R3HDM1: variants seen among roughly 807,000 people sequenced by gnomAD.
R3HDM1 encodes R3H domain containing 1.
In R3HDM1, 46 loss-of-function variants were observed where a neutral mutation model predicts 141.1. The observed-to-expected ratio is 0.33, with a 90% CI of 0.26 to 0.42. The LOEUF is 0.42. Ranked by LOEUF, R3HDM1 falls within the 10% of genes least tolerant of loss-of-function variation. R3HDM1 has a pLI of 1.00. For missense variants in R3HDM1, 1,184 were observed against 1,368.3 expected (o/e 0.87, Z 2.12); for synonymous variants, 435 against 472.9 (o/e 0.92, Z 1.04).
At chr2:135,608,919 G>T (rs1466718698) in intron 3 of R3HDM1, among the ~76,000 whole-genome samples, 1 of 151,974 alleles carries the variant, frequency 6.6e-6, no homozygotes, top group East Asian at 1.9e-4. Context: ...AGTGATTAAA[G>T]GAAACAAATG....
At chr2:135,636,549 C>CT (rs1178495717) in intron 11 of R3HDM1, among the ~76,000 whole-genome samples, 1 of 152,062 alleles carries the variant, frequency 6.6e-6, no homozygotes, top group African/African-American at 2.4e-5. Context: ...CTAGATGCTA[C>CT]TTGTTAGTTG....
At chr2:135,700,693 C>G (rs1274543468) in intron 21 of R3HDM1, among the ~76,000 whole-genome samples, 1 of 152,076 alleles carries the variant, frequency 6.6e-6, no homozygotes, top group Non-Finnish European at 1.5e-5. Context: ...TTCCTATTCT[C>G]CCATCTAAAA....
chr2:135,595,004 G>A (rs187384519), intron 1 of R3HDM1, among the ~76,000 whole-genome samples: 1 of 147,964 alleles, frequency 6.8e-6, no homozygotes, highest in African/African-American at 2.6e-5. Flanking sequence ...ATGAAGGCTT[G>A]TGGGCAACTT....
chr2:135,583,255 G>A (rs1282068403), intron 1 of R3HDM1, among the ~76,000 whole-genome samples: 1 of 151,528 alleles, frequency 6.6e-6, no homozygotes, highest in Non-Finnish European at 1.5e-5. Context: ...TTTTTTTTCA[G>A]CATTAAAGCT....
At chr2:135,545,630 TTAAAA>T (rs1231561350) in intron 1 of R3HDM1, among the ~76,000 whole-genome samples, 4 of 152,160 alleles carry the variant, frequency 2.6e-5, no homozygotes, top group Non-Finnish European at 5.9e-5. Flanking sequence ...CAATTGGGAA[TTAAAA>T]TAAAAAGTAC....
At chr2:135,698,394 C>A (rs184572191) in intron 21 of R3HDM1, among the ~76,000 whole-genome samples, 2 of 151,914 alleles carry the variant, frequency 1.3e-5, no homozygotes, top group East Asian at 1.9e-4. Flanking sequence ...CTCCTGACCT[C>A]GTGATCCGCC....
intron 3 of R3HDM1, among the ~76,000 whole-genome samples, chr2:135,612,394 A>AT (rs933979060): frequency 3.9e-5 from 6 of 152,108 alleles, no homozygotes; most frequent in African/African-American, 1.4e-4. Context: ...AATTATTCCT[A>AT]TTTTTTAAAT....
At chr2:135,643,355 A>G (rs558031904) in intron 15 of R3HDM1, among the ~76,000 whole-genome samples, 22 of 151,950 alleles carry the variant, frequency 1.4e-4, no homozygotes, top group Admixed American at 4.6e-4. Context: ...TTTCTGCTTG[A>G]TAGCTATAGA....
intron 21 of R3HDM1, among the ~76,000 whole-genome samples, chr2:135,708,752 G>A (rs951656282): frequency 3.3e-5 from 5 of 152,048 alleles, no homozygotes; most frequent in African/African-American, 1.2e-4. Flanking sequence ...TTGAGGTCAC[G>A]AGTTCAAGAC....
chr2:135,596,029 C>T (rs369057134), intron 1 of R3HDM1, among the ~76,000 whole-genome samples: 12 of 152,138 alleles, frequency 7.9e-5, no homozygotes, highest in Admixed American at 3.3e-4. Context: ...GAGGGAGTCT[C>T]GTTCTGTCGC....
At chr2:135,579,562 A>G (rs970651505) in intron 1 of R3HDM1, among the ~76,000 whole-genome samples, 4 of 144,924 alleles carry the variant, frequency 2.8e-5, no homozygotes, top group African/African-American at 1.0e-4. Context: ...CAAGATATGA[A>G]TTACAAAGAG....
chr2:135,548,347 A>G (rs1699166900), intron 1 of R3HDM1, among the ~76,000 whole-genome samples: 1 of 152,240 alleles, frequency 6.6e-6, no homozygotes, highest in Non-Finnish European at 1.5e-5. Context: ...TGCAGGTATT[A>G]TAATAGTATA....
At chr2:135,678,734 G>A (rs1018948767) in intron 20 of R3HDM1, among the ~76,000 whole-genome samples, 6 of 148,830 alleles carry the variant, frequency 4.0e-5, no homozygotes, top group African/African-American at 7.4e-5. Context: ...ATCATCAGTG[G>A]TTATAGTGGT....
intron 7 of R3HDM1, among the ~76,000 whole-genome samples, chr2:135,627,623 ATAACT>A (rs1177590087): frequency 6.6e-6 from 1 of 152,114 alleles, no homozygotes; most frequent in Non-Finnish European, 1.5e-5. Flanking sequence ...GATGGTACAG[ATAACT>A]TATATTATGT....
chr2:135,720,978 A>G (rs994558678), intron 24 of R3HDM1, among the ~76,000 whole-genome samples: 2 of 152,232 alleles, frequency 1.3e-5, no homozygotes, highest in East Asian at 1.9e-4. Context: ...GGTGTATTTC[A>G]TACGGGATGT....
chr2:135,570,231 A>G (rs1703804205), intron 1 of R3HDM1, among the ~76,000 whole-genome samples: 1 of 152,248 alleles, frequency 6.6e-6, no homozygotes, highest in Non-Finnish European at 1.5e-5. Flanking sequence ...CACCAACTGC[A>G]TCTAGAATAA....
intron 1 of R3HDM1, among the ~76,000 whole-genome samples, chr2:135,580,354 A>G (rs1249845758): frequency 1.3e-5 from 2 of 152,254 alleles, no homozygotes; most frequent in African/African-American, 4.8e-5. Flanking sequence ...TTCATGACAT[A>G]GTAAGCTTTG....
chr2:135,620,512 C>T (rs2061428084), intron 5 of R3HDM1: 1 of 984,152 alleles, frequency 1.0e-6, no homozygotes, highest in African/African-American at 1.7e-5. Flanking sequence ...ATATTATGAA[C>T]ACAAATTTTA....
At chr2:135,689,730 T>C (rs1035468913) in intron 21 of R3HDM1, among the ~76,000 whole-genome samples, 2 of 152,214 alleles carry the variant, frequency 1.3e-5, no homozygotes, top group Non-Finnish European at 2.9e-5. Context: ...AGTCAACATA[T>C]ACTGTCACTT....
Sources: gnomAD v4.1 joint callset for allele counts (sites outside exome capture counted in the v4.1 genomes callset) on GRCh38, gnomAD v4.1.1 for gene constraint, MANE v1.5 for transcripts, NCBI Gene and HGNC (gene_info 2026-07-23, HGNC 2026-07-21) for gene names.